The following GALNTL6 variants were observed in gnomAD, a reference collection of about 807,000 sequenced individuals.
GALNTL6 encodes polypeptide N-acetylgalactosaminyltransferase like 6, also known as polypeptide N-acetylgalactosaminyltransferase-like 6.
GALNTL6 carries 46 observed loss-of-function variants against 73.7 expected under a neutral mutation model. The observed-to-expected ratio is 0.62, with a 90% CI of 0.49 to 0.80. The LOEUF is 0.80. Among genes scored for constraint, GALNTL6 ranks in the 30% least tolerant of loss-of-function variants. The pLI is 0.00. For missense variants in GALNTL6, 604 were observed against 755.0 expected (o/e 0.80, Z 2.34); for synonymous variants, 259 against 263.7 (o/e 0.98, Z 0.17).
In GALNTL6 at chr4:171,830,545, A is replaced by G. The variant is rs146903369; in HGVS notation, c.138+15827A>G. Among the ~76,000 whole-genome samples, 239 of 152,316 alleles carry G rather than the reference A, an allele frequency of 1.6e-3. 1 individual carries two copies. Among genetic ancestry groups the G allele is most frequent in the African/African-American group, 5.3e-3 (222 of 41,570 alleles). On this transcript the variant is annotated intron_variant, in intron 2 of 12. Coordinates refer to ENST00000506823, the MANE Select transcript of GALNTL6 (RefSeq NM_001034845.3). ...CACAATCAAAATATGTATAAATATCATATAGGTACTGCCAAACAAATATGA... is the reference window on the plus strand; with the variant it reads ...CACAATCAAAATATGTATAAATATCGTATAGGTACTGCCAAACAAATATGA...
chr4:172,815,605 C>T (rs920264457), intron 7 of GALNTL6, among the ~76,000 whole-genome samples: 16 of 152,148 alleles, frequency 1.1e-4, no homozygotes, highest in African/African-American at 3.6e-4. Context: ...GCAGTGGAGA[C>T]AGTTATAAAA....
intron 2 of GALNTL6, among the ~76,000 whole-genome samples, chr4:171,966,737 A>G (rs1364765549): frequency 6.6e-6 from 1 of 152,172 alleles, no homozygotes. Context: ...AACAGAGCTG[A>G]ACCCTGATCC....
intron 5 of GALNTL6, among the ~76,000 whole-genome samples, chr4:172,797,008 C>T (rs1264046374): frequency 6.6e-6 from 1 of 152,156 alleles, no homozygotes; most frequent in Non-Finnish European, 1.5e-5. Flanking sequence ...AAATCACTAA[C>T]ACACATTATT....
chr4:172,193,038 G>A (rs1314861464), intron 2 of GALNTL6, among the ~76,000 whole-genome samples: 3 of 152,232 alleles, frequency 2.0e-5, no homozygotes, highest in African/African-American at 7.2e-5. Context: ...AAGCACCTGG[G>A]TGGAGGGGCA....
intron 5 of GALNTL6, among the ~76,000 whole-genome samples, chr4:172,617,602 G>A (rs1262793072): frequency 2.0e-5 from 3 of 151,520 alleles, no homozygotes; most frequent in East Asian, 1.9e-4. Context: ...TCAGCCTCCC[G>A]AGTAGCTAGG....
intron 5 of GALNTL6, among the ~76,000 whole-genome samples, chr4:172,680,487 G>A (rs1732575340): frequency 1.3e-5 from 2 of 152,156 alleles, no homozygotes; most frequent in South Asian, 4.1e-4. Context: ...AAATTCATTG[G>A]AAATTAAGAG....
At chr4:172,312,737 A>G (rs779475091) in intron 4 of GALNTL6, among the ~76,000 whole-genome samples, 9 of 152,230 alleles carry the variant, frequency 5.9e-5, no homozygotes, top group African/African-American at 9.6e-5. Flanking sequence ...AAAAAATATC[A>G]GTACATTATG....
chr4:171,974,930 T>C (rs1739675931), intron 2 of GALNTL6, among the ~76,000 whole-genome samples: 1 of 152,210 alleles, frequency 6.6e-6, no homozygotes, highest in Admixed American at 6.6e-5. Context: ...ATTACACTAA[T>C]AGTCTCTCAC....
intron 2 of GALNTL6, among the ~76,000 whole-genome samples, chr4:172,022,875 C>T (rs1218985244): frequency 6.6e-6 from 1 of 152,012 alleles, no homozygotes; most frequent in Admixed American, 6.6e-5. Context: ...CTCTGAGCCA[C>T]CCCATTTCCC....
intron 2 of GALNTL6, among the ~76,000 whole-genome samples, chr4:171,976,727 G>T (rs1739734472): frequency 6.6e-6 from 1 of 152,146 alleles, no homozygotes; most frequent in African/African-American, 2.4e-5. Context: ...AGTCGTTTAG[G>T]AAAGACTTAG....
At chr4:172,962,163 C>T (rs1001164517) in intron 10 of GALNTL6, among the ~76,000 whole-genome samples, 1 of 152,062 alleles carries the variant, frequency 6.6e-6, no homozygotes, top group Non-Finnish European at 1.5e-5. Flanking sequence ...TGAATTTCAC[C>T]AGGTAATGTC....
intron 3 of GALNTL6, among the ~76,000 whole-genome samples, chr4:172,262,630 G>A (rs769999959): frequency 6.6e-5 from 10 of 151,472 alleles, no homozygotes; most frequent in Non-Finnish European, 1.0e-4. Context: ...TTCAGTGTTA[G>A]TATTGAGATG....
intron 5 of GALNTL6, among the ~76,000 whole-genome samples, chr4:172,564,836 G>A (rs1213434742): frequency 1.3e-5 from 2 of 152,204 alleles, no homozygotes; most frequent in Admixed American, 1.3e-4. Flanking sequence ...GAAACAACGA[G>A]TTTCAAGGCA....
At chr4:172,498,965 A>G (rs537939398) in intron 5 of GALNTL6, among the ~76,000 whole-genome samples, 1 of 152,352 alleles carries the variant, frequency 6.6e-6, no homozygotes, top group African/African-American at 2.4e-5. Context: ...TTCTAAATGT[A>G]AAAACCTTAC....
intron 8 of GALNTL6, among the ~76,000 whole-genome samples, chr4:172,895,554 C>G (rs1746281531): frequency 6.6e-6 from 1 of 151,742 alleles, no homozygotes; most frequent in Non-Finnish European, 1.5e-5. Flanking sequence ...TTTTCTTTGC[C>G]TTTTACCTTT....
chr4:172,825,110 CTTTCTTTCT>C (rs1207296050), intron 7 of GALNTL6, among the ~76,000 whole-genome samples: 352 of 76,478 alleles, frequency 4.6e-3, no homozygotes, highest in Non-Finnish European at 6.9e-3. Context: ...TTCTTTCTTT[CTTTCTTTCT>C]TTCTTTCTTT....
At chr4:172,649,796 C>T (rs919406048) in intron 5 of GALNTL6, among the ~76,000 whole-genome samples, 4 of 152,078 alleles carry the variant, frequency 2.6e-5, no homozygotes, top group Admixed American at 1.3e-4. Flanking sequence ...AAACAGAAGA[C>T]TGTCTTATTA....
At chr4:171,989,408 G>T (rs1005149728) in intron 2 of GALNTL6, among the ~76,000 whole-genome samples, 4 of 152,186 alleles carry the variant, frequency 2.6e-5, no homozygotes, top group African/African-American at 9.7e-5. Context: ...TTTTCAATGG[G>T]TTCCTACACA....
At chr4:172,997,830 AT>A (rs1347274742) in intron 10 of GALNTL6, among the ~76,000 whole-genome samples, 1 of 152,188 alleles carries the variant, frequency 6.6e-6, no homozygotes, top group East Asian at 1.9e-4. Context: ...ATGTAATGGA[AT>A]TTCTCATGTT....
Sources: allele counts gnomAD v4.1 joint callset (sites outside exome capture counted in the v4.1 genomes callset), GRCh38; gene constraint gnomAD v4.1.1; transcripts MANE v1.5; gene names NCBI Gene and HGNC (gene_info 2026-07-23, HGNC 2026-07-21).